DAB1: variants seen among roughly 807,000 people sequenced by gnomAD.
DAB1 encodes disabled homolog 1.
Under a neutral mutation model 64.6 loss-of-function variants are expected in DAB1, and 15 were observed. The observed-to-expected ratio is 0.23, with a 90% CI of 0.16 to 0.36. DAB1 has a LOEUF of 0.36. Ranked by LOEUF, DAB1 falls within the 10% of genes least tolerant of loss-of-function variation. DAB1 has a pLI of 1.00. For missense variants in DAB1, 596 were observed against 706.7 expected (o/e 0.84, Z 1.78); for synonymous variants, 235 against 251.9 (o/e 0.93, Z 0.64).
chr1:58,312,226 T>C (rs1003565459), intron 4 of DAB1, among the ~76,000 whole-genome samples: 1 of 152,182 alleles, frequency 6.6e-6, no homozygotes, highest in Non-Finnish European at 1.5e-5. Context: ...AAGGCAGTTC[T>C]GATGTTCCCA....
chr1:57,514,154 C>A (rs1484077747), intron 7 of DAB1, among the ~76,000 whole-genome samples: 2 of 152,164 alleles, frequency 1.3e-5, no homozygotes, highest in African/African-American at 4.8e-5. Context: ...CATAGAAGTG[C>A]AGACATCTTT....
At chr1:57,541,998 G>A (rs1191152325) in intron 7 of DAB1, among the ~76,000 whole-genome samples, 1 of 152,152 alleles carries the variant, frequency 6.6e-6, no homozygotes, top group Non-Finnish European at 1.5e-5. Flanking sequence ...GAGGGTGTGT[G>A]CAAGGCACAG....
At chr1:57,736,521 T>C (rs1436092015) in intron 6 of DAB1, among the ~76,000 whole-genome samples, 1 of 152,204 alleles carries the variant, frequency 6.6e-6, no homozygotes, top group Admixed American at 6.5e-5. Context: ...CCAAAATACA[T>C]TTGAATTTGG....
chr1:57,266,522 C>G (rs1670601873), intron 2 of DAB1, among the ~76,000 whole-genome samples: 1 of 152,198 alleles, frequency 6.6e-6, no homozygotes, highest in Non-Finnish European at 1.5e-5. Flanking sequence ...TCCAATCTCC[C>G]AGGTACATTT....
At chr1:58,432,383 A>T (rs556237908) in intron 3 of DAB1, among the ~76,000 whole-genome samples, 5 of 152,230 alleles carry the variant, frequency 3.3e-5, no homozygotes, top group African/African-American at 4.8e-5. Flanking sequence ...AAGAAAAAAA[A>T]TTTTTTTGAC....
chr1:58,542,177 T>C (rs1230576792), intron 1 of DAB1, among the ~76,000 whole-genome samples: 1 of 152,246 alleles, frequency 6.6e-6, no homozygotes, highest in Non-Finnish European at 1.5e-5. Context: ...CTTTTTGAAA[T>C]ACAACCAATT....
At chr1:57,958,113 T>A (rs1208850526) in intron 5 of DAB1, among the ~76,000 whole-genome samples, 5 of 151,994 alleles carry the variant, frequency 3.3e-5, no homozygotes, top group Non-Finnish European at 5.9e-5. Flanking sequence ...GCCTCCCAAG[T>A]AGCTGAGATT....
intron 1 of DAB1, among the ~76,000 whole-genome samples, chr1:57,365,947 T>C (rs1216293254): frequency 6.6e-6 from 1 of 152,196 alleles, no homozygotes; most frequent in African/African-American, 2.4e-5. Flanking sequence ...CTCTCCAATT[T>C]TCCCCTTTTC....
At chr1:58,233,381 G>C (rs1448390274) in intron 4 of DAB1, among the ~76,000 whole-genome samples, 1 of 152,250 alleles carries the variant, frequency 6.6e-6, no homozygotes, top group African/African-American at 2.4e-5. Flanking sequence ...GGTAAGTGAA[G>C]TAGCAGGGCT....
At chr1:57,419,219 G>A (rs1684717096) in intron 1 of DAB1, among the ~76,000 whole-genome samples, 1 of 152,126 alleles carries the variant, frequency 6.6e-6, no homozygotes, top group East Asian at 1.9e-4. Context: ...AGACAATCTG[G>A]TCTAGTGAAA....
chr1:57,314,027 A>G (rs1332316625), intron 1 of DAB1, among the ~76,000 whole-genome samples: 1 of 152,194 alleles, frequency 6.6e-6, no homozygotes, highest in Non-Finnish European at 1.5e-5. Context: ...TGTTATTTAC[A>G]AACCACCCAT....
intron 4 of DAB1, among the ~76,000 whole-genome samples, chr1:58,220,828 T>C (rs574245571): frequency 6.6e-6 from 1 of 150,872 alleles, no homozygotes; most frequent in South Asian, 2.1e-4. Flanking sequence ...AAGAATTTGC[T>C]ATATATATAC....
chr1:57,066,969 C>T (rs1255885664), intron 8 of DAB1, among the ~76,000 whole-genome samples: 1 of 151,930 alleles, frequency 6.6e-6, no homozygotes, highest in Non-Finnish European at 1.5e-5. Context: ...TACTAACAAA[C>T]ACTGCAATTC....
chr1:57,169,497 T>C (rs1661524713), intron 2 of DAB1, among the ~76,000 whole-genome samples: 2 of 152,224 alleles, frequency 1.3e-5, no homozygotes. Context: ...AGAAATGTCC[T>C]TTTTAACCAT....
intron 5 of DAB1, among the ~76,000 whole-genome samples, chr1:57,937,558 G>A (rs1645044288): frequency 6.6e-6 from 1 of 152,080 alleles, no homozygotes; most frequent in African/African-American, 2.4e-5. Flanking sequence ...GGAGATAGAG[G>A]GAGGGACTTG....
At chr1:58,089,383 CTGT>C (rs1454257986) in intron 5 of DAB1, among the ~76,000 whole-genome samples, 2 of 152,356 alleles carry the variant, frequency 1.3e-5, no homozygotes, top group East Asian at 3.9e-4. Flanking sequence ...TTTTCTGCCA[CTGT>C]TGTTATTATT....
chr1:57,783,476 C>T (rs188189190), intron 6 of DAB1, among the ~76,000 whole-genome samples: 71 of 152,272 alleles, frequency 4.7e-4, no homozygotes, highest in African/African-American at 1.5e-3. Context: ...TTTAATTTCT[C>T]CTGCAAGCTT....
intron 4 of DAB1, among the ~76,000 whole-genome samples, chr1:58,319,111 G>A (rs185015899): frequency 0.018 from 2,674 of 152,178 alleles, 40 homozygotes; most frequent in South Asian, 0.063. Flanking sequence ...AACTATAGTG[G>A]GGAGTGGTGT....
At chr1:58,290,538 C>A (rs1168029381) in intron 4 of DAB1, among the ~76,000 whole-genome samples, 1 of 152,102 alleles carries the variant, frequency 6.6e-6, no homozygotes, top group African/African-American at 2.4e-5. Context: ...ATTATCTAAT[C>A]TATATGTCAC....
Sources: allele counts gnomAD v4.1 joint callset (sites outside exome capture counted in the v4.1 genomes callset), GRCh38; gene constraint gnomAD v4.1.1; transcripts MANE v1.5; gene names NCBI Gene and HGNC (gene_info 2026-07-23, HGNC 2026-07-21).